Variants in CRTAM observed in about 807,000 individuals in gnomAD.
The protein encoded by CRTAM is cytotoxic and regulatory T-cell molecule.
Under a neutral mutation model 50.0 loss-of-function variants are expected in CRTAM, and 44 were observed. The observed-to-expected ratio is 0.88, with a 90% CI of 0.69 to 1.13. CRTAM has a LOEUF of 1.13. Among genes scored for constraint, CRTAM ranks in the 50% most tolerant of loss-of-function variants. CRTAM has a pLI of 0.00. For missense variants in CRTAM, 448 were observed against 457.5 expected, an observed-to-expected ratio of 0.98 and a Z score of 0.19; for synonymous variants, 159 against 169.3, an observed-to-expected ratio of 0.94 and a Z score of 0.47.
chr11:122,862,599 G>C (rs1862101568), intron 6 of CRTAM, 55 bp downstream of exon 6: 7 of 1,146,114 alleles, frequency 6.1e-6, no homozygotes, highest in Non-Finnish European at 7.7e-6. Context: ...TCCTTGGGAA[G>C]GTTATTTTTC....
chr11:122,867,274 A>G (rs1302059760), intron 7 of CRTAM, 135 bp from the exon 8 acceptor site: 2 of 700,264 alleles, frequency 2.9e-6, no homozygotes, highest in Non-Finnish European at 4.6e-6. Context: ...TTCAGGGGTA[A>G]GCTCTTTCTC....
At chr11:122,869,570 A>G (rs1862226047) in intron 9 of CRTAM, among the ~76,000 whole-genome samples, 1 of 152,234 alleles carries the variant, frequency 6.6e-6, no homozygotes, top group South Asian at 2.1e-4. Context: ...GGCAGAAGCT[A>G]GGACTATAGA....
chr11:122,849,608 G>A (rs1861905460), intron 1 of CRTAM, among the ~76,000 whole-genome samples: 1 of 152,088 alleles, frequency 6.6e-6, no homozygotes, highest in Admixed American at 6.6e-5. Flanking sequence ...TGTAATCCCA[G>A]CTATTTGGGA....
In CRTAM at chr11:122,871,829, C is replaced by A. The variant is rs1862258691; in HGVS notation, c.*430C>A. 6.6e-6 allele frequency: 1 copy of A among 152,158 alleles called. No homozygotes were observed. 9.4% of individuals were successfully genotyped at this position (152,158 alleles called of 1,614,324 possible). A position where few individuals can be genotyped will look rare whatever the true frequency, so the allele number is the denominator to read the frequency against. Reference sequence around the variant, plus strand: ...TTTGGGATGCAAAGTACCTAAAGATCTCTGATCCTAAGAAGTTACTTCTGG... The same window carrying A: ...TTTGGGATGCAAAGTACCTAAAGATATCTGATCCTAAGAAGTTACTTCTGG... On this transcript the variant is annotated 3_prime_UTR_variant, in exon 10 of 10. Transcript: ENST00000227348.
At chr11:122,851,317 T>A (rs12280357) in intron 2 of CRTAM, among the ~76,000 whole-genome samples, 2 of 151,972 alleles carry the variant, frequency 1.3e-5, no homozygotes, top group Non-Finnish European at 2.9e-5. Flanking sequence ...GATACTGATA[T>A]GTTAACATAA....
At chr11:122,870,090 T>C (rs1020279647) in intron 9 of CRTAM, among the ~76,000 whole-genome samples, 3 of 152,198 alleles carry the variant, frequency 2.0e-5, no homozygotes, top group Admixed American at 6.5e-5. Flanking sequence ...TTTCTTTCTT[T>C]TTTTTTGAGA....
chr11:122,857,859 AAGAGAGT>A (rs1214265231), intron 5 of CRTAM, among the ~76,000 whole-genome samples: 2 of 152,170 alleles, frequency 1.3e-5, no homozygotes, highest in Non-Finnish European at 2.9e-5. Flanking sequence ...TGCTTCGAGA[AAGAGAGT>A]AGAGCAACAG....
chr11:122,840,092 G>A (rs1861781374), intron 1 of CRTAM, among the ~76,000 whole-genome samples: 1 of 151,858 alleles, frequency 6.6e-6, no homozygotes, highest in South Asian at 2.1e-4. Context: ...ACTTTTTCAG[G>A]CTTTGAGTTA....
chr11:122,865,819 T>G (rs1862164829), intron 7 of CRTAM, among the ~76,000 whole-genome samples: 1 of 152,318 alleles, frequency 6.6e-6, no homozygotes, highest in African/African-American at 2.4e-5. Flanking sequence ...CCTATGTATG[T>G]GTACAAATAT....
At chr11:122,840,325 A>G (rs1017389170) in intron 1 of CRTAM, among the ~76,000 whole-genome samples, 2 of 152,210 alleles carry the variant, frequency 1.3e-5, no homozygotes, top group Non-Finnish European at 2.9e-5. Flanking sequence ...GAAGTTATGT[A>G]ACCTGCCCAA....
intron 1 of CRTAM, among the ~76,000 whole-genome samples, chr11:122,844,236 TTATACTATTTAATTCATAAGCATGCATCC>T (rs1260247660): frequency 1.3e-4 from 20 of 152,332 alleles, no homozygotes; most frequent in African/African-American, 4.3e-4. Context: ...AAGGGTTAAA[TTATACTATTTAATTCATAAGCATGCATCC>T]TAAGAAAGAG....
rs762906024 is a variant in CRTAM, at chr11:122,838,542, A to C, written c.-5A>C. On this transcript the variant is annotated 5_prime_UTR_variant, in exon 1 of 10. Coordinates refer to ENST00000227348, the MANE Select transcript of CRTAM (RefSeq NM_019604.4). ...GACAAAGGTGCCACAGCAGCACAGC[A>C]CAGTATGTGGTGGAGAGTTCTCAGC... 4.3e-6 allele frequency: 7 copies of C among 1,614,152 alleles called. No individual in the cohort carries two copies. The highest frequency in any genetic ancestry group is 1.6e-4 in the Middle Eastern group (1 of 6,062).
Position 122,838,514 on chromosome 11 carries a change from G to A in CRTAM, c.-33G>A. On this transcript the variant is annotated 5_prime_UTR_variant, in exon 1 of 10. Coordinates refer to ENST00000227348, the MANE Select transcript of CRTAM (RefSeq NM_019604.4). ...CCATTTGTCTCAGAATCTAGAGGAA[G>A]TTGACAAAGGTGCCACAGCAGCACA... 3.1e-6 allele frequency: 5 copies of A among 1,611,170 alleles called. No homozygotes were observed. Among genetic ancestry groups the A allele is most frequent in the Non-Finnish European group, 4.2e-6 (5 of 1,178,434 alleles).
At chr11:122,840,294 C>A (rs1861783706) in intron 1 of CRTAM, among the ~76,000 whole-genome samples, 1 of 151,892 alleles carries the variant, frequency 6.6e-6, no homozygotes, top group Non-Finnish European at 1.5e-5. Flanking sequence ...TACTAATATC[C>A]CCAATTTAAA....
At chr11:122,844,732 AC>A (rs1183338567) in intron 1 of CRTAM, among the ~76,000 whole-genome samples, 1 of 152,248 alleles carries the variant, frequency 6.6e-6, no homozygotes, top group Non-Finnish European at 1.5e-5. Flanking sequence ...AAGACAGTAC[AC>A]AAGAACTAGT....
At chr11:122,849,644 C>T (rs1198221721) in intron 1 of CRTAM, among the ~76,000 whole-genome samples, 1 of 152,064 alleles carries the variant, frequency 6.6e-6, no homozygotes, top group Non-Finnish European at 1.5e-5. Context: ...ATCGCTTGAA[C>T]CCAGGAGGCG....
intron 7 of CRTAM, among the ~76,000 whole-genome samples, chr11:122,865,832 C>CTATGTG (rs1862165119): frequency 6.6e-6 from 1 of 152,166 alleles, no homozygotes; most frequent in African/African-American, 2.4e-5. Context: ...ACAAATATAT[C>CTATGTG]TATGTGTATA....
chr11:122,871,153 G>T, intron 9 of CRTAM, 116 bp from the exon 10 acceptor site: 1 of 994,472 alleles, frequency 1.0e-6, no homozygotes, highest in South Asian at 1.8e-5. Flanking sequence ...TAAGTTTTAG[G>T]TTTTTATAAA....
At chr11:122,849,273 T>A (rs1475560646) in intron 1 of CRTAM, among the ~76,000 whole-genome samples, 1 of 152,244 alleles carries the variant, frequency 6.6e-6, no homozygotes, top group African/African-American at 2.4e-5. Flanking sequence ...TTCTGGGGCC[T>A]TGTGGCTTAG....
Sources: allele counts gnomAD v4.1 joint callset (sites outside exome capture counted in the v4.1 genomes callset), GRCh38; gene constraint gnomAD v4.1.1; transcripts MANE v1.5; gene names NCBI Gene and HGNC (gene_info 2026-07-23, HGNC 2026-07-21).